The following IL5RA variants were observed in gnomAD, a reference collection of about 807,000 sequenced individuals.
IL5RA encodes interleukin-5 receptor subunit alpha.
A neutral mutation model predicts 50.0 loss-of-function variants in IL5RA; 49 were observed. The ratio of observed to expected loss-of-function variants is 0.98; its 90% confidence interval spans 0.78 to 1.24. The LOEUF is 1.24. Ranked by LOEUF, IL5RA falls within the 50% of genes most tolerant of loss-of-function variation. The pLI is 0.00. For missense variants in IL5RA, 600 were observed against 500.4 expected, an observed-to-expected ratio of 1.20 and a Z score of -1.90; for synonymous variants, 202 against 174.0, an observed-to-expected ratio of 1.16 and a Z score of -1.26.
intron 11 of IL5RA, chr3:3,073,888 G>A (rs1051685499): frequency 3.4e-5 from 14 of 415,960 alleles, no homozygotes; most frequent in Middle Eastern, 7.2e-4. Context: ...AAATGGTCTC[G>A]TGGTTTACGA....
At chr3:3,089,870 C>A (rs375002815) in intron 9 of IL5RA, 10 of 180,158 alleles carry the variant, frequency 5.6e-5, no homozygotes, top group South Asian at 2.5e-4. Context: ...ACCTCGGCCT[C>A]CCAAAGTGCT....
At chr3:3,070,359 G>C (rs749145922) in intron 11 of IL5RA, 48 bp from the exon 12 acceptor site, 1 of 1,248,046 alleles carries the variant, frequency 8.0e-7, no homozygotes, top group South Asian at 1.3e-5. Context: ...AGAACTTTTG[G>C]GTTCTTTGAA....
rs1385560048 is a variant in IL5RA, at chr3:3,092,515, G to A, written c.856-153C>T. Among the ~76,000 whole-genome samples the A allele has an allele frequency of 6.6e-6, 1 of 152,156 alleles. No individual in the cohort carries two copies. The highest frequency in any genetic ancestry group is 2.4e-5 in the African/African-American group (1 of 41,420). On this transcript the variant is annotated intron_variant, in intron 8 of 11. Transcript: ENST00000446632. This position sits in a 1 kb window ranked among gnomAD's most constrained non-coding sequence, Gnocchi z 4.2. ...GCACACATTAATTCGTTTATGCTAG[G>A]TGCGTTAGTGTGGATGTGTTGGCAG...
chr3:3,107,493 G>A (rs1489011631), intron 2 of IL5RA, among the ~76,000 whole-genome samples: 5 of 152,004 alleles, frequency 3.3e-5, no homozygotes, highest in African/African-American at 4.8e-5. Flanking sequence ...AGAATAGAGC[G>A]ACTTCATTAG....
intron 9 of IL5RA, 134 bp from the exon 10 acceptor site, chr3:3,076,761 G>A (rs1574977533): frequency 1.8e-6 from 1 of 559,506 alleles, no homozygotes; most frequent in South Asian, 2.6e-5. Context: ...TGGGCAAGTA[G>A]CTTAACTTCC....
chr3:3,085,455 G>C (rs1204340395), intron 9 of IL5RA, among the ~76,000 whole-genome samples: 1 of 152,176 alleles, frequency 6.6e-6, no homozygotes, highest in Non-Finnish European at 1.5e-5. Context: ...CTGAAGGAGA[G>C]TGACGGGATC....
At chr3:3,095,233 A>G (rs1386896227) in intron 8 of IL5RA, 66 bp downstream of exon 8, 2 of 1,305,796 alleles carry the variant, frequency 1.5e-6, no homozygotes, top group Admixed American at 4.0e-5. Context: ...GTCACTGAAG[A>G]TAATTTTTTA....
In IL5RA at chr3:3,096,326, A is replaced by G. The variant is rs1035173244; in HGVS notation, c.710-882T>C. Among the ~76,000 whole-genome samples, 4 of 150,032 alleles carry G rather than the reference A, an allele frequency of 2.7e-5. No homozygotes were observed. The East Asian group carries it at 7.8e-4, about 29-fold the overall frequency. ...GAAGAAGAAGAGTGGATTGGGCTAA[A>G]TTTGTCTTTACTTAGGACTCTAATG... On this transcript the variant is annotated intron_variant, in intron 7 of 11. Coordinates refer to ENST00000446632, the MANE Select transcript of IL5RA (RefSeq NM_175726.4).
At chr3:3,101,620 G>C (rs1703656291) in intron 5 of IL5RA, 72 bp downstream of exon 5, 1 of 1,509,292 alleles carries the variant, frequency 6.6e-7, no homozygotes, top group South Asian at 1.2e-5. Flanking sequence ...GTGGGTTAGT[G>C]TTAATTTTTC....
At chr3:3,105,624 TC>T (rs3214846) in intron 2 of IL5RA, 24,884 of 139,848 alleles carry the variant, frequency 0.18, 2,677 homozygotes, top group South Asian at 0.46. Context: ...TTTGTTTTGT[TC>T]CCCCCCCCAC....
intron 5 of IL5RA, among the ~76,000 whole-genome samples, chr3:3,100,980 C>CAAT (rs35949387): frequency 0.19 from 26,690 of 141,440 alleles, 2,557 homozygotes; most frequent in Non-Finnish European, 0.22. Flanking sequence ...AACCCCATCT[C>CAAT]AATAATAATA....
intron 9 of IL5RA, among the ~76,000 whole-genome samples, chr3:3,084,248 C>T (rs146400253): frequency 0.01 from 1,558 of 152,142 alleles, 23 homozygotes; most frequent in African/African-American, 0.035. Flanking sequence ...ACTATAATTA[C>T]GATTAGGATG....
intron 9 of IL5RA, chr3:3,091,982 G>GAA: frequency 8.2e-7 from 1 of 1,213,114 alleles, no homozygotes; most frequent in Non-Finnish European, 1.0e-6. Context: ...ACAAAACTTG[G>GAA]AAAAAAAACA....
intron 9 of IL5RA, among the ~76,000 whole-genome samples, chr3:3,079,459 C>T (rs1239137370): frequency 6.6e-6 from 1 of 152,172 alleles, no homozygotes; most frequent in African/African-American, 2.4e-5. Flanking sequence ...CTCCTCATTC[C>T]CTTGGTTCAT....
intron 7 of IL5RA, among the ~76,000 whole-genome samples, chr3:3,095,714 C>T (rs1331779169): frequency 6.6e-6 from 1 of 151,404 alleles, no homozygotes; most frequent in East Asian, 1.9e-4. Flanking sequence ...GAATTACTTC[C>T]CCCCCTCAGC....
At chr3:3,098,543 G>C (rs1703475479) in intron 5 of IL5RA, among the ~76,000 whole-genome samples, 1 of 152,076 alleles carries the variant, frequency 6.6e-6, no homozygotes, top group Admixed American at 6.6e-5. Flanking sequence ...AAGTAGCTGA[G>C]ATGACAGGTG....
rs1703430164 is a variant in IL5RA at position 3,097,752 on chromosome 3, G to T, written c.709+118C>A. The T allele has an allele frequency of 6.3e-6, 7 of 1,104,750 alleles. No individual in the cohort carries two copies. In the South Asian group the frequency reaches 9.7e-5, roughly 15 times the overall value. 68.4% of individuals were successfully genotyped at this position (1,104,750 alleles called of 1,614,324 possible). On this transcript the variant is annotated intron_variant, in intron 7 of 11. Coordinates refer to ENST00000446632, the MANE Select transcript of IL5RA (RefSeq NM_175726.4). ...TTGCCCCAGTGGTTTTCAAACATGG[G>T]TCTGATGCTTACTTGGCATCAGAGA...
chr3:3,088,598 C>T (rs1039539038), intron 9 of IL5RA, among the ~76,000 whole-genome samples: 1 of 152,198 alleles, frequency 6.6e-6, no homozygotes, highest in African/African-American at 2.4e-5. Context: ...ATATCTAGTG[C>T]TTCTTTTTCA....
At chr3:3,076,903 A>G (rs1702506284) in intron 9 of IL5RA, among the ~76,000 whole-genome samples, 1 of 152,192 alleles carries the variant, frequency 6.6e-6, no homozygotes, top group African/African-American at 2.4e-5. Flanking sequence ...CAATCAGCAA[A>G]TATTTATGGC....
Sources: allele counts gnomAD v4.1 joint callset (sites outside exome capture counted in the v4.1 genomes callset), GRCh38; gene constraint gnomAD v4.1.1; non-coding constraint Gnocchi (gnomAD v3.1); transcripts MANE v1.5; gene names NCBI Gene and HGNC (gene_info 2026-07-23, HGNC 2026-07-21).